ASAH2: variants seen among roughly 807,000 people sequenced by gnomAD.
ASAH2 encodes the protein N-acylsphingosine amidohydrolase 2, also known as neutral ceramidase.
Under a neutral mutation model 82.9 loss-of-function variants are expected in ASAH2, and 58 were observed. The observed-to-expected ratio is 0.70, with a 90% CI of 0.57 to 0.87. The LOEUF (loss-of-function observed/expected upper bound fraction) is 0.87. ASAH2 is among the 40% of genes least tolerant of loss of function. The probability of loss-of-function intolerance (pLI) is 0.00; values close to 1 mark genes in which losing one functional copy is unlikely to be tolerated. For missense variants in ASAH2, 779 were observed against 834.0 expected (o/e 0.93, Z 0.81); for synonymous variants, 276 against 289.7 (o/e 0.95, Z 0.48).
At chr10:50,218,389 C>A in intron 8 of ASAH2, 121 bp downstream of exon 8, 1 of 1,385,242 alleles carries the variant, frequency 7.2e-7, no homozygotes, top group Non-Finnish European at 1.0e-6. Flanking sequence ...TTCAAGCATA[C>A]CAATATGTGA....
intron 7 of ASAH2, among the ~76,000 whole-genome samples, chr10:50,221,658 T>TGA (rs1845748968): frequency 2.0e-5 from 3 of 148,662 alleles, no homozygotes; most frequent in Non-Finnish European, 1.5e-5. Flanking sequence ...TGTGTGTGTG[T>TGA]GTATAGATAG....
chr10:50,199,835 T>C (rs2133198365), intron 16 of ASAH2, among the ~76,000 whole-genome samples: 1 of 151,792 alleles, frequency 6.6e-6, no homozygotes, highest in Admixed American at 6.6e-5. Context: ...TCAAATCTCC[T>C]GAGATCTTTC....
chr10:50,224,419 A>T (rs1222524906), intron 7 of ASAH2, among the ~76,000 whole-genome samples: 1 of 152,128 alleles, frequency 6.6e-6, no homozygotes, highest in African/African-American at 2.4e-5. Flanking sequence ...TAAGATTAAT[A>T]CAATGTTAAA....
chr10:50,215,844 A>G (rs1473184565), intron 8 of ASAH2, among the ~76,000 whole-genome samples: 1 of 152,158 alleles, frequency 6.6e-6, no homozygotes, highest in African/African-American at 2.4e-5. Context: ...TCATTCTACT[A>G]TAAAGACACA....
At chr10:50,214,713 A>C in intron 9 of ASAH2, 30 bp downstream of exon 9, 1 of 1,612,822 alleles carries the variant, frequency 6.2e-7, no homozygotes, top group East Asian at 2.2e-5. Flanking sequence ...AGATGCAAAA[A>C]CAAAGATTTC....
intron 16 of ASAH2, 22 bp downstream of exon 16, chr10:50,202,807 T>A (rs1845188589): frequency 4.0e-6 from 6 of 1,491,980 alleles, no homozygotes; most frequent in Admixed American, 3.3e-5. Context: ...TTCATTTAAA[T>A]GATGAAAACG....
chr10:50,235,823 C>CA, intron 5 of ASAH2, 65 bp downstream of exon 5: 1 of 1,545,868 alleles, frequency 6.5e-7, no homozygotes, highest in Non-Finnish European at 8.9e-7. Flanking sequence ...ATATCACATC[C>CA]AATCACTCCT....
At chr10:50,205,306 A>G (rs1182454005) in intron 13 of ASAH2, among the ~76,000 whole-genome samples, 3 of 151,958 alleles carry the variant, frequency 2.0e-5, no homozygotes, top group Non-Finnish European at 4.4e-5. Context: ...TTATAATCGC[A>G]CTTTAAGTTT....
intron 18 of ASAH2, among the ~76,000 whole-genome samples, chr10:50,196,310 T>C (rs1190545168): frequency 6.6e-6 from 1 of 152,000 alleles, no homozygotes; most frequent in Non-Finnish European, 1.5e-5. Context: ...TTATTTTTAT[T>C]CACAGATGAC....
In ASAH2 at chr10:50,240,563, A is replaced by ATCACCTGGC. The variant is rs1411482907; in HGVS notation, c.510+2638_510+2639insGCCAGGTGA. 22 of 702,136 alleles carry ATCACCTGGC rather than the reference A, an allele frequency of 3.1e-5. No individual in the cohort carries two copies. In the East Asian group the frequency reaches 5.9e-4, roughly 19 times the overall value. 43.5% of individuals were successfully genotyped at this position (702,136 alleles called of 1,614,324 possible). On this transcript the variant is annotated intron_variant, in intron 4 of 20. Coordinates refer to ENST00000682911, the MANE Select transcript of ASAH2 (RefSeq NM_019893.4). ...CAGAGTCCATATCACCCACAGAATT[A>ATCACCTGGC]AAAACAAGCTGGCATCTCAAGGCCC...
intron 2 of ASAH2, among the ~76,000 whole-genome samples, chr10:50,245,686 A>T (rs1305441757): frequency 6.6e-6 from 1 of 152,090 alleles, no homozygotes; most frequent in African/African-American, 2.4e-5. Flanking sequence ...ATATCCTTCA[A>T]CTCCTCATCA....
intron 4 of ASAH2, among the ~76,000 whole-genome samples, chr10:50,239,828 A>ATTTTTTTTTTTTTTTTTTTTTTT (rs1208518684): frequency 8.3e-6 from 1 of 120,646 alleles, no homozygotes; most frequent in African/African-American, 3.0e-5. Flanking sequence ...CTCACATTTA[A>ATTTTTTTTTTTTTTTTTTTTTTT]TTTTTTTTTT....
chr10:50,203,350 C>A (rs1845208787), intron 15 of ASAH2, among the ~76,000 whole-genome samples: 1 of 151,842 alleles, frequency 6.6e-6, no homozygotes, highest in African/African-American at 2.4e-5. Context: ...TTAGACTGTT[C>A]ACAGGAATTT....
chr10:50,206,519 C>T (rs1845301008), intron 12 of ASAH2, among the ~76,000 whole-genome samples: 2 of 139,924 alleles, frequency 1.4e-5, no homozygotes, highest in Admixed American at 7.4e-5. Flanking sequence ...GAAATAATTT[C>T]TCCTGAATTT....
chr10:50,235,358 A>G (rs1246322870), intron 5 of ASAH2, among the ~76,000 whole-genome samples: 1 of 152,106 alleles, frequency 6.6e-6, no homozygotes, highest in Non-Finnish European at 1.5e-5. Flanking sequence ...TGAAAGACAG[A>G]AAAGAGAGGA....
rs990084669 is a variant in ASAH2 at position 50,217,956 on chromosome 10, C to T, written c.1014+554G>A. Among the ~76,000 whole-genome samples the T allele has an allele frequency of 1.4e-4, 21 of 152,142 alleles. 1 individual carries two copies. The East Asian group carries it at 3.7e-3, about 27-fold the overall frequency. On this transcript the variant is annotated intron_variant, in intron 8 of 20. Coordinates refer to ENST00000682911, the MANE Select transcript of ASAH2 (RefSeq NM_019893.4). Reference sequence around the variant, plus strand: ...CCTGACCAACATGGCGAAACCCTGTCTCTACTAAAAATACAAAAATTAGCT... The same window carrying T: ...CCTGACCAACATGGCGAAACCCTGTTTCTACTAAAAATACAAAAATTAGCT...
chr10:50,199,090 G>A lies in ASAH2; in HGVS notation c.1818C>T (p.Tyr606=). 6.2e-7 allele frequency: 1 copy of A among 1,613,362 alleles called. No homozygotes were observed. Among genetic ancestry groups the A allele is most frequent in the South Asian group, 1.1e-5 (1 of 91,084 alleles). ...TIYGPHTLSA[Y]IQLFRNLAKA... is the part of the protein sequence containing the mutation. ...TAGCAAGGTTTCTGAAGAGCTGAAT[G>A]TAAGCAGATAATGTGTGCGGTCCAT... Residue 606 remains tyrosine (Y), a synonymous_variant, in exon 17 of 21, where the codon TAC becomes TAT. Coordinates refer to ENST00000682911, the MANE Select transcript of ASAH2 (RefSeq NM_019893.4).
intron 4 of ASAH2, among the ~76,000 whole-genome samples, chr10:50,238,485 C>G (rs1846212347): frequency 6.6e-6 from 1 of 152,122 alleles, no homozygotes; most frequent in African/African-American, 2.4e-5. Flanking sequence ...TCTCTTTGGT[C>G]CTAACTCCAG....
intron 2 of ASAH2, among the ~76,000 whole-genome samples, chr10:50,246,887 G>A (rs865883266): frequency 3.9e-5 from 6 of 152,132 alleles, no homozygotes; most frequent in African/African-American, 1.4e-4. Context: ...ACATAGCCAA[G>A]GGTAAGTTAT....
Sources: gnomAD v4.1 joint callset for allele counts (sites outside exome capture counted in the v4.1 genomes callset) on GRCh38, gnomAD v4.1.1 for gene constraint, MANE v1.5 for transcripts, NCBI Gene and HGNC (gene_info 2026-07-23, HGNC 2026-07-21) for gene names.